Variants in ANKRD30A observed in about 807,000 individuals in gnomAD.
ANKRD30A encodes the protein ankyrin repeat domain-containing protein 30A.
In ANKRD30A, 170 loss-of-function variants were observed where a neutral mutation model predicts 166.3. That is an observed-to-expected ratio of 1.02 (90% confidence interval 0.90 to 1.16). The LOEUF (loss-of-function observed/expected upper bound fraction) is 1.16. ANKRD30A is among the 50% of genes most tolerant of loss of function. The probability of loss-of-function intolerance (pLI) is 0.00; values close to 1 mark genes in which losing one functional copy is unlikely to be tolerated. For missense variants in ANKRD30A, 1,630 were observed against 1,518.0 expected, an observed-to-expected ratio of 1.07 and a Z score of -1.23; for synonymous variants, 564 against 508.9, an observed-to-expected ratio of 1.11 and a Z score of -1.46.
At chr10:37,141,443 G>A (rs1389051979) in intron 6 of ANKRD30A, among the ~76,000 whole-genome samples, 1 of 151,494 alleles carries the variant, frequency 6.6e-6, no homozygotes, top group African/African-American at 2.4e-5. Flanking sequence ...TATGGCCCAC[G>A]TCTGTAATCC....
chr10:37,131,846 T>G (rs1343289677), intron 3 of ANKRD30A, among the ~76,000 whole-genome samples: 1 of 152,200 alleles, frequency 6.6e-6, no homozygotes, highest in Non-Finnish European at 1.5e-5. Flanking sequence ...GGTAAGGTAA[T>G]TATTCTTTGG....
intron 24 of ANKRD30A, among the ~76,000 whole-genome samples, chr10:37,183,204 C>A (rs1028369471): frequency 6.7e-6 from 1 of 148,928 alleles, no homozygotes; most frequent in African/African-American, 2.5e-5. Flanking sequence ...GTCCTACTTT[C>A]CAATACGCAT....
intron 1 of ANKRD30A, among the ~76,000 whole-genome samples, chr10:37,128,890 T>C (rs780481585): frequency 6.6e-6 from 1 of 152,150 alleles, no homozygotes; most frequent in East Asian, 1.9e-4. Flanking sequence ...AAATTTATAA[T>C]AGCTTTGAAT....
At chr10:37,145,497 A>G (rs1325912774) in intron 8 of ANKRD30A, among the ~76,000 whole-genome samples, 15 of 152,292 alleles carry the variant, frequency 9.8e-5, no homozygotes, top group African/African-American at 3.4e-4. Flanking sequence ...CTCTGTCTCC[A>G]AAAAAAGAAA....
intron 31 of ANKRD30A, among the ~76,000 whole-genome samples, chr10:37,214,676 G>A (rs918462891): frequency 2.0e-5 from 3 of 150,792 alleles, no homozygotes; most frequent in African/African-American, 7.3e-5. Flanking sequence ...TGCTGTCTTA[G>A]TGGTTTTTTT....
chr10:37,241,512 A>G, the ANKRD30A span, among the ~76,000 whole-genome samples: 3 of 152,036 alleles, frequency 2.0e-5, no homozygotes, highest in Non-Finnish European at 4.4e-5. Flanking sequence ...AAAATCCTGT[A>G]TTATTGAGTT....
At chr10:37,146,513 C>T (rs1011230613) in intron 8 of ANKRD30A, among the ~76,000 whole-genome samples, 16 of 152,158 alleles carry the variant, frequency 1.1e-4, no homozygotes, top group South Asian at 6.2e-4. Context: ...ACCCCTGACC[C>T]GGGGACAGAT....
At chr10:37,253,749 G>A in the ANKRD30A span, among the ~76,000 whole-genome samples, 2 of 150,436 alleles carry the variant, frequency 1.3e-5, no homozygotes, top group African/African-American at 2.4e-5. Context: ...CGGGCTTCAC[G>A]CCATTCTCCT....
chr10:37,244,008 T>C, the ANKRD30A span, among the ~76,000 whole-genome samples: 28 of 152,230 alleles, frequency 1.8e-4, 1 homozygote, highest in East Asian at 5.0e-3. Context: ...TATGGCATCA[T>C]TGTCAACAAC....
At chr10:37,242,785 T>C in the ANKRD30A span, among the ~76,000 whole-genome samples, 1 of 152,172 alleles carries the variant, frequency 6.6e-6, no homozygotes, top group African/African-American at 2.4e-5. Flanking sequence ...GTGGAGATGA[T>C]TGGCATCACA....
chr10:37,195,676 C>G (rs940613648), intron 27 of ANKRD30A, among the ~76,000 whole-genome samples: 2 of 152,166 alleles, frequency 1.3e-5, no homozygotes, highest in African/African-American at 2.4e-5. Flanking sequence ...TGACAGATCA[C>G]TAGGTGAGGA....
At position 37,219,311 on chromosome 10, in the gene ANKRD30A, C is replaced by T. The variant is rs761126689; in HGVS notation, c.3599C>T (p.Pro1200Leu). ...ILEAEIESHH[P>L]RLASAVQDHD... ...GAGGCAGAAATTGAATCACACCATC[C>T]TAGACTGGCTTCTGCTGTACAAGAC... The change falls in exon 34 of 36, where the codon CCT becomes CTT. Residue 1200 changes from proline to leucine, a missense_variant. Pro to Leu is a moderately conservative substitution (Grantham distance 98). Transcript: ENST00000361713. 11 of 1,610,422 alleles carry T rather than the reference C, an allele frequency of 6.8e-6. No individual in the cohort carries two copies. The highest frequency in any genetic ancestry group is 9.3e-6 in the Non-Finnish European group (11 of 1,177,630).
At position 37,132,280 on chromosome 10, in the gene ANKRD30A, G is replaced by C; in HGVS notation, c.551G>C (p.Ser184Thr). ...TPLLLSITKR[S>T]EQIVEFLLIK... ...CTTTTACTATCCATAACGAAAAGAA[G>C]TGAGCAAATTGTGGAATTTTTGCTG... The change falls in exon 4 of 36, where the codon AGT (serine) becomes ACT (threonine). Residue 184 changes from serine to threonine, a missense_variant. Coordinates refer to ENST00000361713, the MANE Select transcript of ANKRD30A (RefSeq NM_052997.3). The C allele has an allele frequency of 6.2e-7, 1 of 1,607,376 alleles. No individual in the cohort carries two copies. Among genetic ancestry groups the C allele is most frequent in the Non-Finnish European group, 8.5e-7 (1 of 1,176,888 alleles).
chr10:37,230,883 C>T (rs1328228701), intron 34 of ANKRD30A, among the ~76,000 whole-genome samples: 1 of 152,060 alleles, frequency 6.6e-6, no homozygotes, highest in Non-Finnish European at 1.5e-5. Flanking sequence ...ACAGGCCCCA[C>T]CTCCGATGCC....
chr10:37,165,049 T>G (rs1438732980), intron 17 of ANKRD30A, 45 bp from the exon 18 acceptor site: 5 of 1,562,664 alleles, frequency 3.2e-6, no homozygotes, highest in Non-Finnish European at 3.5e-6. Flanking sequence ...AAATTTTTAG[T>G]AGAGAACTGT....
intron 6 of ANKRD30A, among the ~76,000 whole-genome samples, chr10:37,139,071 T>G (rs1411651339): frequency 6.6e-6 from 1 of 152,190 alleles, no homozygotes; most frequent in Non-Finnish European, 1.5e-5. Context: ...GGGCCAATAT[T>G]CAACATTCTT....
chr10:37,216,272 A>G lies in ANKRD30A; in HGVS notation c.2961A>G (p.Gly987=), dbSNP rs1192924029. ...LQKDHCEQRT[G]KMEQMKKKFC... is the part of the protein sequence containing the mutation. ...AAGATCACTGTGAACAACGTACAGG[A>G]AAAATGGAACAAATGAAAAAGAAGT... Residue 987 remains glycine, a synonymous_variant, in exon 32 of 36, where the codon GGA becomes GGG. Transcript: ENST00000361713. 13 of 1,608,284 alleles carry G rather than the reference A, an allele frequency of 8.1e-6. No individual in the cohort carries two copies. Among genetic ancestry groups the G allele is most frequent in the African/African-American group, 2.7e-5 (2 of 74,546 alleles).
chr10:37,161,597 A>T (rs1838875571), intron 15 of ANKRD30A, among the ~76,000 whole-genome samples: 1 of 152,156 alleles, frequency 6.6e-6, no homozygotes, highest in Non-Finnish European at 1.5e-5. Flanking sequence ...CATTTAGATT[A>T]TTTGTACTCC....
intron 31 of ANKRD30A, among the ~76,000 whole-genome samples, chr10:37,210,490 GA>G (rs1287816582): frequency 6.6e-6 from 1 of 152,098 alleles, no homozygotes; most frequent in Non-Finnish European, 1.5e-5. Flanking sequence ...CCAGTAATGG[GA>G]TCGCTGGGTC....
Sources: allele counts gnomAD v4.1 joint callset (sites outside exome capture counted in the v4.1 genomes callset), GRCh38; gene constraint gnomAD v4.1.1; transcripts MANE v1.5; gene names NCBI Gene and HGNC (gene_info 2026-07-23, HGNC 2026-07-21).